The following SIAH3 variants were observed in gnomAD, a reference collection of about 807,000 sequenced individuals.
The protein encoded by SIAH3 is seven in absentia homolog 3.
SIAH3 carries 9 observed loss-of-function variants against 12.6 expected under a neutral mutation model. That is an observed-to-expected ratio of 0.72 (90% CI 0.43 to 1.25). SIAH3 has a LOEUF of 1.25. Among genes scored for constraint, SIAH3 ranks in the 50% most tolerant of loss-of-function variants. The probability of loss-of-function intolerance (pLI) is 0.00; values close to 1 mark genes in which losing one functional copy is unlikely to be tolerated. For synonymous variants in SIAH3, 154 were observed against 151.1 expected (o/e 1.02, Z -0.14); for missense variants, 390 against 365.4 (o/e 1.07, Z -0.55).
At chr13:45,847,936 C>T (rs1219731759) in intron 1 of SIAH3, among the ~76,000 whole-genome samples, 1 of 151,852 alleles carries the variant, frequency 6.6e-6, no homozygotes, top group African/African-American at 2.4e-5. Context: ...ACTGACCGCT[C>T]CTCCCCTCAA....
chr13:45,831,531 C>T (rs1039023674), intron 1 of SIAH3, among the ~76,000 whole-genome samples: 6 of 152,148 alleles, frequency 3.9e-5, no homozygotes, highest in Non-Finnish European at 8.8e-5. Flanking sequence ...ATATGCCAGG[C>T]GCTGTTCTAG....
At position 45,851,668 on chromosome 13, in the gene SIAH3, G is replaced by A. The variant is rs771176314; in HGVS notation, c.-39C>T. On this transcript the variant is annotated 5_prime_UTR_variant, in exon 1 of 2. Transcript: ENST00000400405. Reference sequence around the variant, plus strand: ...GGGTTGTTGGTCCGGGAAGGCAGCGGAGGAAGCTGTGAGTCCTTGGGCCCT... The same window carrying A: ...GGGTTGTTGGTCCGGGAAGGCAGCGAAGGAAGCTGTGAGTCCTTGGGCCCT... 2.2e-5 allele frequency: 35 copies of A among 1,613,592 alleles called. No homozygotes were observed. Among genetic ancestry groups the A allele is most frequent in the Non-Finnish European group, 3.0e-5 (35 of 1,179,692 alleles).
At chr13:45,820,825 C>T (rs926484518) in intron 1 of SIAH3, among the ~76,000 whole-genome samples, 2 of 152,188 alleles carry the variant, frequency 1.3e-5, no homozygotes, top group Non-Finnish European at 1.5e-5. Flanking sequence ...CTGGCACTTG[C>T]TTCCTGCTGC....
Position 45,842,992 on chromosome 13 carries a change from G to T in SIAH3, c.135+8503C>A, listed in dbSNP as rs549873633. ...TCAGAGTCCACTCAGGGCCCACACA[G>T]GGGAGCATCTCAGAATTGCCATTAT... On this transcript the variant is annotated intron_variant, in intron 1 of 1. Transcript: ENST00000400405. Among the ~76,000 whole-genome samples the T allele has an allele frequency of 1.8e-3, 253 of 141,286 alleles. 2 individuals are homozygous for T. Among genetic ancestry groups the T allele is most frequent in the African/African-American group, 6.0e-3 (240 of 40,114 alleles). The allele number at this position is 141,286 out of a possible 152,430, so 92.7% of individuals were successfully genotyped here.
intron 1 of SIAH3, among the ~76,000 whole-genome samples, chr13:45,839,850 CA>C (rs1950734007): frequency 1.3e-5 from 2 of 151,836 alleles, no homozygotes; most frequent in Admixed American, 6.5e-5. Context: ...AACAAACAAA[CA>C]AAAATCATTA....
At chr13:45,799,152 C>T (rs1417626620) in intron 1 of SIAH3, among the ~76,000 whole-genome samples, 3 of 152,294 alleles carry the variant, frequency 2.0e-5, no homozygotes, top group African/African-American at 7.2e-5. Context: ...TTCAATTTCC[C>T]TGCATTGACT....
intron 1 of SIAH3, among the ~76,000 whole-genome samples, chr13:45,839,560 C>A (rs34107365): frequency 6.6e-6 from 1 of 152,174 alleles, no homozygotes; most frequent in Non-Finnish European, 1.5e-5. Context: ...AGGCCAGGTG[C>A]GGTGGCTCAC....
chr13:45,783,378 T>C lies in SIAH3; in HGVS notation c.*5A>G, dbSNP rs1593373404. ...CTGTGTGGGGAGCATCCGTGGCTCC[T>C]GGCCTCACATTTCAGCTTCTGAGGG... On this transcript the variant is annotated 3_prime_UTR_variant, in exon 2 of 2. Coordinates refer to ENST00000400405, the MANE Select transcript of SIAH3 (RefSeq NM_198849.3). 1 of 1,604,012 alleles carries C rather than the reference T, an allele frequency of 6.2e-7. No individual in the cohort carries two copies. The highest frequency in any genetic ancestry group is 8.5e-7 in the Non-Finnish European group (1 of 1,172,740).
chr13:45,795,026 T>A (rs1037157554), intron 1 of SIAH3, among the ~76,000 whole-genome samples: 6 of 152,126 alleles, frequency 3.9e-5, no homozygotes, highest in Non-Finnish European at 5.9e-5. Flanking sequence ...TCTCCTTTTT[T>A]AAAAAAACTT....
intron 1 of SIAH3, among the ~76,000 whole-genome samples, chr13:45,800,481 T>C (rs1368919060): frequency 6.6e-6 from 1 of 152,212 alleles, no homozygotes; most frequent in East Asian, 1.9e-4. Flanking sequence ...CCTCAAAGAA[T>C]TTGCTGTCTT....
At chr13:45,842,056 A>G (rs1220540158) in intron 1 of SIAH3, among the ~76,000 whole-genome samples, 3 of 152,228 alleles carry the variant, frequency 2.0e-5, no homozygotes, top group Admixed American at 6.5e-5. Flanking sequence ...CACATTTGTT[A>G]GACCGGCTCC....
intron 1 of SIAH3, among the ~76,000 whole-genome samples, chr13:45,843,034 C>CTCTGTGTG (rs560128772): frequency 7.2e-6 from 1 of 139,188 alleles, no homozygotes; most frequent in African/African-American, 2.7e-5. Flanking sequence ...CTCTCTCTCT[C>CTCTGTGTG]TGTGTGTGTG....
chr13:45,784,108 G>C, intron 1 of SIAH3, 51 bp from the exon 2 acceptor site: 1 of 1,491,388 alleles, frequency 6.7e-7, no homozygotes, highest in Non-Finnish European at 9.0e-7. Flanking sequence ...CACTCTCCCA[G>C]GCCGCCACTC....
At chr13:45,838,342 G>A (rs1448938853) in intron 1 of SIAH3, among the ~76,000 whole-genome samples, 1 of 152,134 alleles carries the variant, frequency 6.6e-6, no homozygotes, top group Admixed American at 6.5e-5. Context: ...GGAGAGCAGC[G>A]CGTTTCTGGC....
chr13:45,819,927 C>T (rs115573691), intron 1 of SIAH3, among the ~76,000 whole-genome samples: 5 of 152,270 alleles, frequency 3.3e-5, no homozygotes, highest in South Asian at 4.1e-4. Context: ...GGGAAGTCAG[C>T]GGGTTCAGTC....
chr13:45,830,297 C>T (rs571308921), intron 1 of SIAH3, among the ~76,000 whole-genome samples: 9 of 152,282 alleles, frequency 5.9e-5, no homozygotes, highest in African/African-American at 2.2e-4. Flanking sequence ...AGCCTGGATA[C>T]CTGTCAGGGG....
intron 1 of SIAH3, among the ~76,000 whole-genome samples, chr13:45,814,867 T>G (rs1950628863): frequency 6.6e-6 from 1 of 151,990 alleles, no homozygotes; most frequent in Non-Finnish European, 1.5e-5. Flanking sequence ...GGATTATAGG[T>G]GTGTGCCACC....
chr13:45,801,402 A>G (rs1229978666), intron 1 of SIAH3, among the ~76,000 whole-genome samples: 1 of 152,154 alleles, frequency 6.6e-6, no homozygotes, highest in East Asian at 1.9e-4. Flanking sequence ...TGAGGCCTTG[A>G]GAGAACAAGG....
chr13:45,790,227 C>A (rs1950541576), intron 1 of SIAH3, among the ~76,000 whole-genome samples: 1 of 152,192 alleles, frequency 6.6e-6, no homozygotes, highest in African/African-American at 2.4e-5. Context: ...AGCCTTGAGT[C>A]TTGACCTATC....
Sources: gnomAD v4.1 joint callset for allele counts (sites outside exome capture counted in the v4.1 genomes callset) on GRCh38, gnomAD v4.1.1 for gene constraint, MANE v1.5 for transcripts, NCBI Gene and HGNC (gene_info 2026-07-23, HGNC 2026-07-21) for gene names.